Variants in TMEM247 observed in about 807,000 individuals in gnomAD.
TMEM247 encodes the protein transmembrane protein ENSP00000343375.
Under a neutral mutation model 20.7 loss-of-function variants are expected in TMEM247, and 23 were observed. That is an observed-to-expected ratio of 1.11 (90% CI 0.80 to 1.57). TMEM247 has a LOEUF of 1.57. Ranked by LOEUF, TMEM247 falls within the 40% of genes most tolerant of loss-of-function variation. The pLI, the probability that TMEM247 is intolerant of heterozygous loss-of-function variation, is 0.00. For synonymous variants in TMEM247, 106 were observed against 111.9 expected (o/e 0.95, Z 0.33); for missense variants, 354 against 283.8 (o/e 1.25, Z -1.78).
chr2:46,479,623 G>T, exon 1 of TMEM247: 2 of 1,551,748 alleles, frequency 1.3e-6, no homozygotes, highest in Admixed American at 2.0e-5. Context: ...GAAGCCCGGG[G>T]TGCGGGAGAA....
chr2:46,479,769 A>C, intron 1 of TMEM247, 67 bp downstream of exon 1: 1 of 1,180,156 alleles, frequency 8.5e-7, no homozygotes, highest in African/African-American at 1.5e-5. Flanking sequence ...TACTGTAGGA[A>C]CACATGCTTT....
rs180988643 is a variant in TMEM247, at chr2:46,484,053, A to G, written c.478-191A>G. 6.2e-4 allele frequency among the ~76,000 whole-genome samples: 94 copies of G among 152,312 alleles called. 1 individual carries two copies. The highest frequency in any genetic ancestry group is 5.0e-3 in the Admixed American group (76 of 15,292). On this transcript the variant is annotated intron_variant, in intron 2 of 2. Coordinates refer to ENST00000434431, the Ensembl canonical transcript of TMEM247. ...CAATCCTCCCACCTTGGCCTCCCCA[A>G]GTACTGGGATTATAGGTATGAGCCA...
At chr2:46,484,324 C>A in exon 3 of TMEM247, 1 of 1,552,350 alleles carries the variant, frequency 6.4e-7, no homozygotes, top group Non-Finnish European at 8.7e-7. Flanking sequence ...TCATTCACAT[C>A]ATCTATGTCA....
At chr2:46,481,796 G>A (rs2103783513) in intron 2 of TMEM247, among the ~76,000 whole-genome samples, 1 of 152,158 alleles carries the variant, frequency 6.6e-6, no homozygotes, top group East Asian at 1.9e-4. Flanking sequence ...CCAGCTCTGA[G>A]TCATCCTCAG....
chr2:46,479,817 G>A (rs1489036656), intron 1 of TMEM247, 115 bp downstream of exon 1: 16 of 743,524 alleles, frequency 2.2e-5, no homozygotes, highest in Middle Eastern at 2.4e-4. Flanking sequence ...CAGGTGACAT[G>A]TACCCCAGCC....
intron 1 of TMEM247, 39 bp downstream of exon 1, chr2:46,479,741 C>A: frequency 7.2e-7 from 1 of 1,395,792 alleles, no homozygotes; most frequent in Non-Finnish European, 9.9e-7. Context: ...CCGCCTATTC[C>A]GTCAGGGGGA....
At chr2:46,479,699 T>C (rs1686840868) in exon 1 of TMEM247, 5 of 1,549,512 alleles carry the variant, frequency 3.2e-6, no homozygotes, top group Non-Finnish European at 4.4e-6. Context: ...CAAGGGCTTA[T>C]CTGGTAAGGG....
chr2:46,480,333 G>A, intron 1 of TMEM247, 72 bp from the exon 2 acceptor site: 2 of 1,438,484 alleles, frequency 1.4e-6, no homozygotes, highest in Non-Finnish European at 1.8e-6. Context: ...GGCTGCGGGA[G>A]TTCCATGGGG....
chr2:46,481,197 C>G (rs1467903488), intron 2 of TMEM247, among the ~76,000 whole-genome samples: 1 of 152,194 alleles, frequency 6.6e-6, no homozygotes, highest in African/African-American at 2.4e-5. Flanking sequence ...GGAGACTAGA[C>G]CCAGAATCCC....
exon 2 of TMEM247, chr2:46,480,571 C>T: frequency 6.4e-7 from 1 of 1,551,650 alleles, no homozygotes. Flanking sequence ...CTGCCCCCGA[C>T]CCCTGGGACT....
rs144735373 is a variant in TMEM247 at position 46,484,066 on chromosome 2, T to C, written c.478-178T>C. On this transcript the variant is annotated intron_variant, in intron 2 of 2. Coordinates refer to ENST00000434431, the Ensembl canonical transcript of TMEM247. ...TTGGCCTCCCCAAGTACTGGGATTATAGGTATGAGCCACCTTGCCCAGCCC... is the reference window on the plus strand; with the variant it reads ...TTGGCCTCCCCAAGTACTGGGATTACAGGTATGAGCCACCTTGCCCAGCCC... Among the ~76,000 whole-genome samples, 951 of 152,316 alleles carry C rather than the reference T, an allele frequency of 6.2e-3. 7 individuals carry two copies. The highest frequency in any genetic ancestry group is 0.022 in the African/African-American group (916 of 41,560).
chr2:46,479,727 AC>A (rs939476500), intron 1 of TMEM247, 25 bp downstream of exon 1: 3 of 1,460,646 alleles, frequency 2.1e-6, no homozygotes, highest in South Asian at 1.3e-5. Flanking sequence ...GTGTCTCACC[AC>A]CCCCGCCTAT....
intron 1 of TMEM247, 105 bp from the exon 2 acceptor site, chr2:46,480,300 C>T (rs1686853607): frequency 4.0e-6 from 5 of 1,246,904 alleles, no homozygotes; most frequent in Non-Finnish European, 5.4e-6. Context: ...ACAATTCAAA[C>T]ACCCCAGTCC....
intron 2 of TMEM247, among the ~76,000 whole-genome samples, chr2:46,483,002 C>T (rs1197366717): frequency 2.0e-5 from 3 of 152,132 alleles, no homozygotes; most frequent in Non-Finnish European, 2.9e-5. Context: ...CCTCTCTTCT[C>T]TTTTTCTGGG....
chr2:46,483,642 T>C (rs1270568860), intron 2 of TMEM247, among the ~76,000 whole-genome samples: 1 of 152,052 alleles, frequency 6.6e-6, no homozygotes, highest in Non-Finnish European at 1.5e-5. Flanking sequence ...GTACAGACCA[T>C]AAAGAGAAAG....
exon 2 of TMEM247, chr2:46,480,410 A>G: frequency 6.5e-7 from 1 of 1,542,342 alleles, no homozygotes. Flanking sequence ...GCCAGGAGGC[A>G]GAGTCCCAGA....
chr2:46,481,637 A>C (rs1452348184), intron 2 of TMEM247, among the ~76,000 whole-genome samples: 2 of 152,250 alleles, frequency 1.3e-5, no homozygotes, highest in Non-Finnish European at 1.5e-5. Flanking sequence ...AGCACTTTGC[A>C]ATTAGCCCAG....
chr2:46,480,566 C>T (rs1310320648), exon 2 of TMEM247: 4 of 1,551,682 alleles, frequency 2.6e-6, no homozygotes, highest in East Asian at 4.9e-5. Flanking sequence ...CAGAGCTGCC[C>T]CCGACCCCTG....
intron 2 of TMEM247, 71 bp from the exon 3 acceptor site, chr2:46,484,173 C>T: frequency 7.3e-7 from 1 of 1,368,138 alleles, no homozygotes; most frequent in Non-Finnish European, 1.0e-6. Flanking sequence ...AGGGTCAGAG[C>T]AGGACTGAAC....
Sources: allele counts gnomAD v4.1 joint callset (sites outside exome capture counted in the v4.1 genomes callset), GRCh38; gene constraint gnomAD v4.1.1; transcripts MANE v1.5; gene names NCBI Gene and HGNC (gene_info 2026-07-23, HGNC 2026-07-21).